The following WAPL variants were observed in gnomAD, a reference collection of about 807,000 sequenced individuals.
WAPL encodes the protein wings apart-like protein homolog.
WAPL carries 5 observed loss-of-function variants against 121.0 expected under a neutral mutation model. That is an observed-to-expected ratio of 0.04 (90% CI 0.02 to 0.09). The LOEUF is 0.09. Among genes scored for constraint, WAPL ranks in the 10% least tolerant of loss-of-function variants. WAPL has a pLI of 1.00. For synonymous variants in WAPL, 480 were observed against 481.5 expected (o/e 1.00, Z 0.04); for missense variants, 999 against 1,410.8 (o/e 0.71, Z 4.68).
In WAPL at chr10:86,446,426, T is replaced by C. The variant is rs1181176960; in HGVS notation, c.3138A>G (p.Ala1046=). 3 of 1,614,180 alleles carry C rather than the reference T, an allele frequency of 1.9e-6. No individual in the cohort carries two copies. The South Asian group carries it at 3.3e-5, about 18-fold the overall frequency. ...LVQLFLERER[A]AQLAESKTDE... ...CTGTTTTACTTTCTGCTAGCTGGGC[T>C]GCCCGCTCTCGCTCAAGGAATAGCT... Residue 1046 remains alanine (A), a synonymous_variant, in exon 16 of 19, where the codon GCA becomes GCG. Transcript: ENST00000298767.
rs1426830832 is a variant in WAPL, at chr10:86,443,316, A to G, written c.3370T>C (p.Tyr1124His). Residue 1124 changes from tyrosine (Y) to histidine (H), a missense_variant, in exon 17 of 19, where the codon TAC (tyrosine) becomes CAC (histidine). Physicochemically the swap from Tyr to His is moderately conservative, Grantham distance 83 (BLOSUM62 2). Around this residue, in one of 7 missense-constraint regions of WAPL, gnomAD observed 35 missense variants for 80.3 expected, o/e 0.44. Transcript: ENST00000298767. Reference protein sequence around the residue: ...KHMEDCIVASYTALLLGCLCQ... With the variant: ...KHMEDCIVASHTALLLGCLCQ... ...AGACACCCAAGAAGTAGTGCTGTGT[A>G]GGAGGCCACAATGCAATCCTCCATG... 1 of 1,614,102 alleles carries G rather than the reference A, an allele frequency of 6.2e-7. No individual in the cohort carries two copies. The highest frequency in any genetic ancestry group is 1.1e-5 in the South Asian group (1 of 91,066).
chr10:86,453,862 A>AGCT, intron 12 of WAPL, 31 bp from the exon 13 acceptor site: 1 of 1,443,428 alleles, frequency 6.9e-7, no homozygotes. Flanking sequence ...AGACTATTAT[A>AGCT]GTAAATAATA....
At chr10:86,461,385 T>A in intron 9 of WAPL, 98 bp from the exon 10 acceptor site, 2 of 834,610 alleles carry the variant, frequency 2.4e-6, no homozygotes, top group Non-Finnish European at 3.8e-6. Context: ...ACATGTAGTT[T>A]AACACCACTT....
At chr10:86,477,856 G>A (rs950975743) in intron 4 of WAPL, among the ~76,000 whole-genome samples, 1 of 151,880 alleles carries the variant, frequency 6.6e-6, no homozygotes, top group Non-Finnish European at 1.5e-5. Flanking sequence ...AAGGTGGGCG[G>A]ATCACTTGAG....
At chr10:86,520,656 A>G (rs2132238932) in intron 1 of WAPL, among the ~76,000 whole-genome samples, 1 of 151,860 alleles carries the variant, frequency 6.6e-6, no homozygotes, top group South Asian at 2.1e-4. Flanking sequence ...AACTCCAAAG[A>G]CTGTCCTAAC....
intron 4 of WAPL, among the ~76,000 whole-genome samples, chr10:86,492,078 T>C (rs551735063): frequency 7.2e-4 from 110 of 152,376 alleles, no homozygotes; most frequent in African/African-American, 2.5e-3. Flanking sequence ...TATTCAACTA[T>C]TTTTAATTTG....
intron 1 of WAPL, among the ~76,000 whole-genome samples, chr10:86,520,874 G>C (rs1436243211): frequency 6.6e-6 from 1 of 151,602 alleles, no homozygotes; most frequent in African/African-American, 2.4e-5. Flanking sequence ...ATTAAAGATG[G>C]AAAGCGGACG....
intron 2 of WAPL, among the ~76,000 whole-genome samples, chr10:86,502,234 C>T (rs761465106): frequency 2.4e-4 from 36 of 152,130 alleles, no homozygotes; most frequent in Admixed American, 9.2e-4. Flanking sequence ...TACCATATAG[C>T]AACACACCTG....
intron 14 of WAPL, 87 bp from the exon 15 acceptor site, chr10:86,452,218 A>G (rs1840999429): frequency 7.5e-7 from 1 of 1,337,726 alleles, no homozygotes; most frequent in East Asian, 2.3e-5. Context: ...ATGGCAACTA[A>G]AAAGCTGAAT....
intron 13 of WAPL, 144 bp downstream of exon 13, chr10:86,453,512 G>T: frequency 1.7e-6 from 2 of 1,206,658 alleles, no homozygotes; most frequent in Non-Finnish European, 2.3e-6. Context: ...ACTCTTAAAA[G>T]CAATTTAAAC....
chr10:86,457,316 C>T (rs1841171628), intron 12 of WAPL, among the ~76,000 whole-genome samples: 1 of 114,734 alleles, frequency 8.7e-6, no homozygotes, highest in South Asian at 3.0e-4. Context: ...ATAGCAAGAC[C>T]CTGTATCTAT....
chr10:86,487,014 G>A (rs937733477), intron 4 of WAPL, among the ~76,000 whole-genome samples: 1 of 151,756 alleles, frequency 6.6e-6, no homozygotes, highest in East Asian at 1.9e-4. Context: ...TGAGATTGAC[G>A]TTATGGTTAG....
At chr10:86,494,326 A>C (rs1296931063) in intron 4 of WAPL, among the ~76,000 whole-genome samples, 1 of 152,220 alleles carries the variant, frequency 6.6e-6, no homozygotes, top group African/African-American at 2.4e-5. Flanking sequence ...ACCACTGTTT[A>C]AGTTGCAAGC....
chr10:86,461,028 T>G, intron 10 of WAPL, 148 bp downstream of exon 10: 1 of 687,600 alleles, frequency 1.5e-6, no homozygotes, highest in East Asian at 3.0e-5. Context: ...CTTCTTTAAA[T>G]GTTAGAAATT....
chr10:86,521,566 C>T lies in WAPL; in HGVS notation c.-224G>A. 2 of 408,664 alleles carry T rather than the reference C, an allele frequency of 4.9e-6. No individual in the cohort carries two copies. The highest frequency in any genetic ancestry group is 1.8e-5 in the South Asian group (1 of 55,962). 25.3% of individuals were successfully genotyped at this position (408,664 alleles called of 1,614,324 possible). A position where few individuals can be genotyped will look rare whatever the true frequency, so the allele number is the denominator to read the frequency against. On this transcript the variant is annotated 5_prime_UTR_variant, in exon 1 of 19. Transcript: ENST00000298767. Reference sequence around the variant, plus strand: ...GCGGCCCCGCAACTTCCCTCCCCGCCTCGAGCGCCGCCGGCCGGGCCCAGG... The same window carrying T: ...GCGGCCCCGCAACTTCCCTCCCCGCTTCGAGCGCCGCCGGCCGGGCCCAGG...
intron 12 of WAPL, among the ~76,000 whole-genome samples, chr10:86,457,845 G>A (rs1366414639): frequency 6.6e-6 from 1 of 151,994 alleles, no homozygotes; most frequent in African/African-American, 2.4e-5. Context: ...ATGGCACTGG[G>A]GTTATATTTT....
At chr10:86,463,834 C>T (rs1320061383) in intron 9 of WAPL, among the ~76,000 whole-genome samples, 1 of 152,166 alleles carries the variant, frequency 6.6e-6, no homozygotes, top group Non-Finnish European at 1.5e-5. Context: ...TTTAGATGCA[C>T]AAATTTTACC....
intron 4 of WAPL, among the ~76,000 whole-genome samples, chr10:86,481,149 A>G (rs1242690367): frequency 1.3e-5 from 2 of 152,232 alleles, no homozygotes; most frequent in African/African-American, 2.4e-5. Flanking sequence ...ATGCACATAC[A>G]ACGTTAAAAA....
At chr10:86,440,413 G>A (rs534761303) in intron 17 of WAPL, among the ~76,000 whole-genome samples, 5 of 151,572 alleles carry the variant, frequency 3.3e-5, no homozygotes, top group South Asian at 2.1e-4. Context: ...TCAGCCTCCC[G>A]AGTAGCTGGG....
Sources: allele counts gnomAD v4.1 joint callset (sites outside exome capture counted in the v4.1 genomes callset), GRCh38; gene constraint gnomAD v4.1.1; regional missense constraint gnomAD v4.1.1; transcripts MANE v1.5; gene names NCBI Gene and HGNC (gene_info 2026-07-23, HGNC 2026-07-21).